RILPL1: variants seen among roughly 807,000 people sequenced by gnomAD.
The protein encoded by RILPL1 is RILP-like protein 1.
A neutral mutation model predicts 50.3 loss-of-function variants in RILPL1; 33 were observed. The observed-to-expected ratio is 0.66, with a 90% CI of 0.50 to 0.88. The LOEUF (loss-of-function observed/expected upper bound fraction) is 0.88. Ranked by LOEUF, RILPL1 falls within the 40% of genes least tolerant of loss-of-function variation. RILPL1 has a pLI of 0.00. For synonymous variants in RILPL1, 205 were observed against 228.6 expected (o/e 0.90, Z 0.93); for missense variants, 418 against 542.5 (o/e 0.77, Z 2.28).
rs557997996 is a variant in RILPL1, at chr12:123,482,186, C to A, written c.1067+1994G>T. On this transcript the variant is annotated intron_variant, in intron 6 of 6. Coordinates refer to ENST00000376874, the MANE Select transcript of RILPL1 (RefSeq NM_178314.5). ...TGCGCCTGGCCTCCAAATTCGTTTT[C>A]TTAGGTTACTTTGAGTTGAGTTTCA... is the stretch of plus-strand genomic sequence containing the variant. 7.8e-4 allele frequency among the ~76,000 whole-genome samples: 118 copies of A among 152,212 alleles called. 3 individuals carry two copies. In the South Asian group the frequency reaches 0.023, roughly 30 times the overall value.
In RILPL1 at chr12:123,499,695, G is replaced by A. The variant is rs74600190; in HGVS notation, c.461-159C>T. 2.6e-5 allele frequency among the ~76,000 whole-genome samples: 4 copies of A among 152,036 alleles called. No individual in the cohort carries two copies. In the East Asian group the frequency reaches 7.8e-4, roughly 29 times the overall value. ...TCCACTCACGCCCTTCGCCCTCCCC[G>A]GTGCCTGCTTTCTATTCCTTGATTC... On this transcript the variant is annotated intron_variant, in intron 2 of 6. Coordinates refer to ENST00000376874, the MANE Select transcript of RILPL1 (RefSeq NM_178314.5).
At chr12:123,523,444 A>G in intron 2 of RILPL1, 51 bp downstream of exon 2, 3 of 1,610,108 alleles carry the variant, frequency 1.9e-6, no homozygotes, top group Middle Eastern at 1.7e-4. Context: ...GATGTGGGCA[A>G]TAAGAAAAGG....
At chr12:123,525,609 G>A (rs934139591) in intron 1 of RILPL1, among the ~76,000 whole-genome samples, 1 of 146,922 alleles carries the variant, frequency 6.8e-6, no homozygotes, top group Non-Finnish European at 1.5e-5. Flanking sequence ...GCTGAGGCAG[G>A]AGAACTGCTT....
chr12:123,492,355 T>C (rs1882754704), intron 4 of RILPL1, among the ~76,000 whole-genome samples: 1 of 152,082 alleles, frequency 6.6e-6, no homozygotes, highest in African/African-American at 2.4e-5. Context: ...TGTTGTAGGA[T>C]CCCACTGATG....
intron 2 of RILPL1, among the ~76,000 whole-genome samples, chr12:123,518,169 CTG>C (rs1343128891): frequency 6.6e-6 from 1 of 152,020 alleles, no homozygotes; most frequent in Non-Finnish European, 1.5e-5. Context: ...CTGCACAAGA[CTG>C]TGAATGTACT....
rs1388829548 is a variant in RILPL1, at chr12:123,484,246, A to G, written c.1001T>C (p.Ile334Thr). 3.7e-6 allele frequency: 6 copies of G among 1,610,492 alleles called. No homozygotes were observed. Among genetic ancestry groups the G allele is most frequent in the Non-Finnish European group, 5.1e-6 (6 of 1,176,852 alleles). Residue 334 changes from isoleucine to threonine, a missense_variant, in exon 6 of 7, where the codon ATA becomes ACA. By Grantham distance (89) the Ile-to-Thr change is moderately conservative. Coordinates refer to ENST00000376874, the MANE Select transcript of RILPL1 (RefSeq NM_178314.5). ...GTGGGCGATGGGTGGGGGTTGGGGT[A>G]TTCGGTTTTCCTCTTCCATTTCTTC... The part of the protein sequence containing the change: ...KSEEMEEENR[I>T]PQPPPIAHPR...
rs530604436 is a variant in RILPL1 at position 123,530,747 on chromosome 12, C to T, written c.309+2427G>A. ...TGTTTTCCCTTTCTTCCCTGTTACC[C>T]GCCTGCTGCCTGACATGAGACTTTG... On this transcript the variant is annotated intron_variant, in intron 1 of 6. Transcript: ENST00000376874. Among the ~76,000 whole-genome samples the T allele has an allele frequency of 6.0e-4, 92 of 152,300 alleles. 2 individuals are homozygous for T. The highest frequency in any genetic ancestry group is 1.9e-3 in the Admixed American group (29 of 15,280).
At chr12:123,512,537 GGTCTGTGTGTGGTGTGT>G in intron 2 of RILPL1, among the ~76,000 whole-genome samples, 1 of 127,884 alleles carries the variant, frequency 7.8e-6, no homozygotes, top group Admixed American at 7.9e-5. Context: ...GTGTGTGTGT[GGTCTGTGTGTGGTGTGT>G]GTGTGAGGTC....
In RILPL1 at chr12:123,523,595, G is replaced by T. The variant is rs759216391; in HGVS notation, c.360C>A (p.Leu120=). The change falls in exon 2 of 7, where the codon CTC becomes CTA. Residue 120 remains leucine, a synonymous_variant. Coordinates refer to ENST00000376874, the MANE Select transcript of RILPL1 (RefSeq NM_178314.5). ...CCTCCTGCAGCTGGGCGATCTGGGA[G>T]AGGAGGTCCTGCGCCTCCCCTCGCC... ...DVWRGEAQDL[L]SQIAQLQEEN... 1.5e-5 allele frequency: 25 copies of T among 1,613,872 alleles called. No individual in the cohort carries two copies. Among genetic ancestry groups the T allele is most frequent in the Admixed American group, 1.7e-5 (1 of 60,002 alleles).
Position 123,498,746 on chromosome 12 carries a change from C to T in RILPL1, c.599G>A (p.Arg200Gln). The T allele has an allele frequency of 2.5e-6, 4 of 1,613,036 alleles. No individual in the cohort carries two copies. Among genetic ancestry groups the T allele is most frequent in the Non-Finnish European group, 3.4e-6 (4 of 1,179,878 alleles). ...DVEALQQQQT[R>Q]LMKINHDLRH... ...AAGGTCATGGTTGATCTTCATCAGCCGTGTCTGCTGCTGCTGTAACTGTAG... is the reference window on the plus strand; with the variant it reads ...AAGGTCATGGTTGATCTTCATCAGCTGTGTCTGCTGCTGCTGTAACTGTAG... Residue 200 changes from arginine to glutamine, a missense_variant, in exon 4 of 7, where the codon CGG (arginine) becomes CAG (glutamine). Physicochemically the swap from Arg to Gln is conservative, Grantham distance 43. Coordinates refer to ENST00000376874, the MANE Select transcript of RILPL1 (RefSeq NM_178314.5). This position sits in a 1 kb window ranked among gnomAD's most constrained non-coding sequence, Gnocchi z 4.3.
chr12:123,497,198 G>A (rs1347108758), intron 4 of RILPL1, among the ~76,000 whole-genome samples: 1 of 152,182 alleles, frequency 6.6e-6, no homozygotes, highest in African/African-American at 2.4e-5. Context: ...TGATGGACAT[G>A]TGGGTTGTTT....
chr12:123,491,202 T>C lies in RILPL1; in HGVS notation c.802-5397A>G, dbSNP rs999455253. On this transcript the variant is annotated intron_variant, in intron 4 of 6. Coordinates refer to ENST00000376874, the MANE Select transcript of RILPL1 (RefSeq NM_178314.5). The surrounding 1 kb of genome is among the most constrained non-coding windows in gnomAD (Gnocchi z 4.0). ...GGGACCAAGGAGGCTCTTTCCAAGA[T>C]GGCAATCGAGCTCCATCTGCCGTGG... Among the ~76,000 whole-genome samples, 1 of 152,208 alleles carries C rather than the reference T, an allele frequency of 6.6e-6. No individual in the cohort carries two copies. Among genetic ancestry groups the C allele is most frequent in the African/African-American group, 2.4e-5 (1 of 41,462 alleles).
At chr12:123,527,627 C>T (rs1593609967) in intron 1 of RILPL1, among the ~76,000 whole-genome samples, 1 of 152,094 alleles carries the variant, frequency 6.6e-6, no homozygotes, top group African/African-American at 2.4e-5. Flanking sequence ...CATGCCACTG[C>T]ACTCCAGCCT....
Position 123,484,951 on chromosome 12 carries a change from G to A in RILPL1, c.975-679C>T, listed in dbSNP as rs1327224250. The stretch of plus-strand genomic sequence containing the variant: ...TGGGATGACAGGCATGAGCCACCGC[G>A]CCCGGCCTCTCCCATCTTTGAACAT... On this transcript the variant is annotated intron_variant, in intron 5 of 6. Coordinates refer to ENST00000376874, the MANE Select transcript of RILPL1 (RefSeq NM_178314.5). 9 of 325,650 alleles carry A rather than the reference G, an allele frequency of 2.8e-5. No homozygotes were observed. In the East Asian group the frequency reaches 5.3e-4, roughly 19 times the overall value. The allele number at this position is 325,650 out of a possible 1,614,324, so 20.2% of individuals were successfully genotyped here.
At chr12:123,532,710 G>GC (rs1566150206) in intron 1 of RILPL1, among the ~76,000 whole-genome samples, 1 of 135,876 alleles carries the variant, frequency 7.4e-6, no homozygotes, top group African/African-American at 2.6e-5. Context: ...GACTGGGGGG[G>GC]GGGGGGATGA....
At chr12:123,510,224 A>G (rs1415682236) in intron 2 of RILPL1, among the ~76,000 whole-genome samples, 2 of 152,328 alleles carry the variant, frequency 1.3e-5, no homozygotes, top group African/African-American at 4.8e-5. Context: ...TTCCCGGGCC[A>G]TGTGGGGGGC....
At chr12:123,520,189 A>G (rs1195686999) in intron 2 of RILPL1, among the ~76,000 whole-genome samples, 1 of 152,258 alleles carries the variant, frequency 6.6e-6, no homozygotes, top group Non-Finnish European at 1.5e-5. Context: ...GACGTCTCAC[A>G]GGTCCATCCA....
rs869229964 is a variant in RILPL1 at position 123,471,072 on chromosome 12, CT to C, written c.*1465del. The C allele has an allele frequency of 6.7e-3, 907 of 134,384 alleles. No individual in the cohort carries two copies. The highest frequency in any genetic ancestry group is 7.0e-3 in the Admixed American group (93 of 13,290). 8.3% of individuals were successfully genotyped at this position (134,384 alleles called of 1,614,324 possible). On this transcript the variant is annotated 3_prime_UTR_variant, in exon 7 of 7. Coordinates refer to ENST00000376874, the MANE Select transcript of RILPL1 (RefSeq NM_178314.5). ...AATTCACCTGATGGTTTCTTTCTTT[CT>C]TTTTTTTTTTTTTTTTAGATGAAGT... is the stretch of plus-strand genomic sequence containing the variant.
chr12:123,529,176 A>G (rs1348576600), intron 1 of RILPL1, among the ~76,000 whole-genome samples: 1 of 152,144 alleles, frequency 6.6e-6, no homozygotes, highest in Non-Finnish European at 1.5e-5. Flanking sequence ...TTCAGATCTC[A>G]GCTCAGATGT....
Sources: gnomAD v4.1 joint callset for allele counts (sites outside exome capture counted in the v4.1 genomes callset) on GRCh38, gnomAD v4.1.1 for gene constraint, Gnocchi (gnomAD v3.1) non-coding constraint, MANE v1.5 for transcripts, NCBI Gene and HGNC (gene_info 2026-07-23, HGNC 2026-07-21) for gene names.